MYO1E: variants seen among roughly 807,000 people sequenced by gnomAD.
MYO1E encodes myosin IE.
A neutral mutation model predicts 151.1 loss-of-function variants in MYO1E; 68 were observed. The observed-to-expected ratio is 0.45, with a 90% confidence interval of 0.37 to 0.55. The LOEUF is 0.55. Ranked by LOEUF, MYO1E falls within the 20% of genes least tolerant of loss-of-function variation. The pLI is 0.00. For missense variants in MYO1E, 1,363 were observed against 1,389.3 expected, an observed-to-expected ratio of 0.98 and a Z score of 0.30; for synonymous variants, 601 against 501.7, an observed-to-expected ratio of 1.20 and a Z score of -2.64.
In MYO1E at chr15:59,214,697, T is replaced by C. The variant is rs1358845616; in HGVS notation, c.1131A>G (p.Lys377=). The C allele has an allele frequency of 6.2e-6, 10 of 1,613,648 alleles. No homozygotes were observed. Among genetic ancestry groups the C allele is most frequent in the Non-Finnish European group, 7.6e-6 (9 of 1,179,632 alleles). The change falls in exon 11 of 28, where the codon AAA becomes AAG. Residue 377 remains lysine, a synonymous_variant. Coordinates refer to ENST00000288235, the MANE Select transcript of MYO1E (RefSeq NM_004998.4). ...CGCCAATGTTGTATTCTTCATGGTCTTTCTCCATGGCTTTATTGATGGACT... is the reference window on the plus strand; with the variant it reads ...CGCCAATGTTGTATTCTTCATGGTCCTTCTCCATGGCTTTATTGATGGACT... ...LVDSINKAME[K]DHEEYNIGVL... is the part of the protein sequence containing the mutation.
intron 1 of MYO1E, among the ~76,000 whole-genome samples, chr15:59,367,650 T>C (rs140817980): frequency 2.0e-5 from 3 of 152,332 alleles, no homozygotes; most frequent in Non-Finnish European, 4.4e-5. Flanking sequence ...TATGGATAAA[T>C]ACTGAATGCC....
intron 25 of MYO1E, 48 bp downstream of exon 25, chr15:59,158,239 A>G (rs1309733803): frequency 1.2e-5 from 17 of 1,405,646 alleles, no homozygotes; most frequent in Middle Eastern, 2.3e-4. Context: ...TTTATAAGTT[A>G]TGGGTCCAGA....
chr15:59,206,783 C>G (rs1286492134), intron 14 of MYO1E: 1 of 678,754 alleles, frequency 1.5e-6, no homozygotes, highest in Non-Finnish European at 2.4e-6. Flanking sequence ...GTCGGAGACT[C>G]TGGCAAGGCC....
At chr15:59,330,448 T>A in intron 1 of MYO1E, among the ~76,000 whole-genome samples, 1 of 152,180 alleles carries the variant, frequency 6.6e-6, no homozygotes, top group East Asian at 1.9e-4. Context: ...GCAGGCAAAG[T>A]ACGTATAACT....
chr15:59,186,192 G>C (rs1443433194), intron 18 of MYO1E, among the ~76,000 whole-genome samples: 1 of 152,070 alleles, frequency 6.6e-6, no homozygotes, highest in Non-Finnish European at 1.5e-5. Context: ...TCACCTCCAC[G>C]GTTATTAGGA....
Position 59,136,307 on chromosome 15 carries a change from A to G in MYO1E, c.*1073T>C, listed in dbSNP as rs115823207. On this transcript the variant is annotated 3_prime_UTR_variant, in exon 28 of 28. Coordinates refer to ENST00000288235, the MANE Select transcript of MYO1E (RefSeq NM_004998.4). ...TGAGGTACTGGTGGCTGGGACTCCA[A>G]CATCTTCTTTGGAGGCACACAATTC... 4.6e-3 allele frequency: 743 copies of G among 161,722 alleles called. 5 individuals are homozygous for G. The highest frequency in any genetic ancestry group is 0.017 in the African/African-American group (693 of 41,814). The allele number at this position is 161,722 out of a possible 1,614,324, so 10.0% of individuals were successfully genotyped here.
At chr15:59,353,229 C>T (rs901138511) in intron 1 of MYO1E, among the ~76,000 whole-genome samples, 35 of 151,512 alleles carry the variant, frequency 2.3e-4, no homozygotes, top group African/African-American at 8.0e-4. Flanking sequence ...TAGTGGTGCG[C>T]GCCTGTAGTC....
intron 1 of MYO1E, among the ~76,000 whole-genome samples, chr15:59,356,410 T>C (rs2080852761): frequency 6.6e-6 from 1 of 152,184 alleles, no homozygotes. Context: ...TTCACTCCTG[T>C]TCATTCTATC....
chr15:59,207,061 AC>A, intron 14 of MYO1E: 1 of 1,614,142 alleles, frequency 6.2e-7, no homozygotes. Context: ...GCTCAACGGC[AC>A]CTGGCTCTTC....
rs373108596 is a variant in MYO1E at position 59,205,380 on chromosome 15, C to G, written c.1616+20G>C. Reference sequence around the variant, plus strand: ...TCATCAAACCTATATCCCCTGTCAGCTATGGCAAAACATACTTACAGCTCG... The same window carrying G: ...TCATCAAACCTATATCCCCTGTCAGGTATGGCAAAACATACTTACAGCTCG... On this transcript the variant is annotated intron_variant, in intron 15 of 27. Coordinates refer to ENST00000288235, the MANE Select transcript of MYO1E (RefSeq NM_004998.4). 1.2e-6 allele frequency: 2 copies of G among 1,610,320 alleles called. No individual in the cohort carries two copies. The highest frequency in any genetic ancestry group is 2.7e-5 in the African/African-American group (2 of 74,814).
chr15:59,316,736 G>T (rs1402495923), intron 1 of MYO1E, among the ~76,000 whole-genome samples: 1 of 152,132 alleles, frequency 6.6e-6, no homozygotes, highest in Admixed American at 6.5e-5. Flanking sequence ...ACTTCACAGA[G>T]GATTTATGTG....
Position 59,163,144 on chromosome 15 carries a change from G to T in MYO1E, c.2627+13C>A. On this transcript the variant is annotated intron_variant, in intron 23 of 27. Coordinates refer to ENST00000288235, the MANE Select transcript of MYO1E (RefSeq NM_004998.4). ...GCTACACGCAGAAGTCTGGGTCCCA[G>T]ATCCGGACTTACGTATTGCTGAATT... The T allele has an allele frequency of 1.9e-6, 3 of 1,613,882 alleles. No homozygotes were observed. The highest frequency in any genetic ancestry group is 2.5e-6 in the Non-Finnish European group (3 of 1,179,872).
chr15:59,268,718 G>GTTTTTTTTT (rs1452818863), intron 2 of MYO1E, among the ~76,000 whole-genome samples: 156 of 11,936 alleles, frequency 0.013, 3 homozygotes, highest in East Asian at 0.038. Context: ...GGTGACTTTG[G>GTTTTTTTTT]TATTTTTTTT....
chr15:59,271,593 C>G (rs1449663728), intron 2 of MYO1E, among the ~76,000 whole-genome samples: 2 of 152,194 alleles, frequency 1.3e-5, no homozygotes, highest in African/African-American at 2.4e-5. Flanking sequence ...AATCAAATTT[C>G]CATTCTGCAT....
intron 1 of MYO1E, among the ~76,000 whole-genome samples, chr15:59,280,789 T>C (rs1225305677): frequency 6.6e-6 from 1 of 152,166 alleles, no homozygotes; most frequent in African/African-American, 2.4e-5. Flanking sequence ...AAGGGCCAGG[T>C]ACTCTTCAAA....
intron 22 of MYO1E, among the ~76,000 whole-genome samples, chr15:59,167,277 C>T (rs1184181218): frequency 6.6e-6 from 1 of 152,062 alleles, no homozygotes; most frequent in Non-Finnish European, 1.5e-5. Flanking sequence ...ATCTATTAAC[C>T]CAGACAGACA....
intron 17 of MYO1E, among the ~76,000 whole-genome samples, chr15:59,189,987 C>T (rs904878689): frequency 2.6e-5 from 4 of 152,184 alleles, no homozygotes; most frequent in Non-Finnish European, 5.9e-5. Context: ...AGGCCTGCAC[C>T]TTGGGGAGGC....
At position 59,132,935 on chromosome 15, in the gene MYO1E, G is replaced by C. The variant is rs1187212013; in HGVS notation, c.*4445C>G. ...TCCTGCCCATTAAAGGAGCTTACAA[G>C]TTTCTAGCTGTTGAGTTTTATGCGT... On this transcript the variant is annotated 3_prime_UTR_variant, in exon 28 of 28. Coordinates refer to ENST00000288235, the MANE Select transcript of MYO1E (RefSeq NM_004998.4). 3 of 152,218 alleles carry C rather than the reference G, an allele frequency of 2.0e-5. No homozygotes were observed. Among genetic ancestry groups the C allele is most frequent in the Admixed American group, 2.0e-4 (3 of 15,282 alleles). 9.4% of individuals were successfully genotyped at this position (152,218 alleles called of 1,614,324 possible).
At position 59,141,903 on chromosome 15, in the gene MYO1E, A is replaced by C. The variant is rs564876580; in HGVS notation, c.3081-3536T>G. On this transcript the variant is annotated intron_variant, in intron 26 of 27. Transcript: ENST00000288235. ...TGGGTGGATCATGAGGTCAGGAGAT[A>C]GAGACCATCCTGGCTAACACGGTGA... 9.8e-4 allele frequency among the ~76,000 whole-genome samples: 149 copies of C among 151,782 alleles called. 1 individual carries two copies. Among genetic ancestry groups the C allele is most frequent in the Admixed American group, 6.8e-3 (103 of 15,242 alleles).
Sources: gnomAD v4.1 joint callset for allele counts (sites outside exome capture counted in the v4.1 genomes callset) on GRCh38, gnomAD v4.1.1 for gene constraint, MANE v1.5 for transcripts, NCBI Gene and HGNC (gene_info 2026-07-23, HGNC 2026-07-21) for gene names.